Variants in CCDC141 observed in about 807,000 individuals in gnomAD.
CCDC141 encodes the protein coiled-coil domain-containing protein 141.
CCDC141 carries 168 observed loss-of-function variants against 181.0 expected under a neutral mutation model. The ratio of observed to expected loss-of-function variants is 0.93; its 90% CI spans 0.82 to 1.05. The LOEUF is 1.05. CCDC141 is among the 50% of genes least tolerant of loss of function. The probability of loss-of-function intolerance (pLI) is 0.00; values close to 1 mark genes in which losing one functional copy is unlikely to be tolerated. For missense variants in CCDC141, 1,902 were observed against 1,788.5 expected (o/e 1.06, Z -1.14); for synonymous variants, 666 against 642.3 (o/e 1.04, Z -0.56).
intron 23 of CCDC141, 134 bp from the exon 24 acceptor site, chr2:178,834,574 A>C: frequency 1.0e-6 from 1 of 979,882 alleles, no homozygotes; most frequent in East Asian, 2.6e-5. Flanking sequence ...TTGTAGCCAC[A>C]ACAAATTCCA....
chr2:178,818,089 C>T, the CCDC141 span, among the ~76,000 whole-genome samples: 1 of 152,150 alleles, frequency 6.6e-6, no homozygotes, highest in Non-Finnish European at 1.5e-5. Flanking sequence ...AGGCGTGAGC[C>T]ACCGCACCTG....
chr2:178,895,848 T>C (rs942464668), intron 8 of CCDC141, among the ~76,000 whole-genome samples: 4 of 152,216 alleles, frequency 2.6e-5, no homozygotes, highest in African/African-American at 9.6e-5. Flanking sequence ...ACAAATCTAC[T>C]AGGCAAAGGA....
At chr2:179,036,509 T>C (rs939749508) in intron 2 of CCDC141, among the ~76,000 whole-genome samples, 2 of 152,164 alleles carry the variant, frequency 1.3e-5, no homozygotes, top group Non-Finnish European at 2.9e-5. Context: ...ACTGCACTGC[T>C]CCCTTCTAGT....
chr2:178,878,930 G>C (rs1209754295), intron 11 of CCDC141, among the ~76,000 whole-genome samples: 1 of 152,022 alleles, frequency 6.6e-6, no homozygotes, highest in Non-Finnish European at 1.5e-5. Flanking sequence ...AAGATTATTA[G>C]TAAATCACAA....
intron 2 of CCDC141, among the ~76,000 whole-genome samples, chr2:178,986,107 G>C (rs11892464): frequency 0.079 from 12,026 of 152,116 alleles, 1,048 homozygotes; most frequent in African/African-American, 0.21. Context: ...CACATCAAAA[G>C]CTTATCCACC....
downstream of CCDC141, among the ~76,000 whole-genome samples, chr2:178,828,031 G>A (rs567265706): frequency 1.3e-5 from 2 of 152,012 alleles, no homozygotes; most frequent in Non-Finnish European, 2.9e-5. Context: ...CACGTGTCAT[G>A]TACTGCCTCC....
At chr2:178,852,993 G>A (rs1379992858) in intron 20 of CCDC141, among the ~76,000 whole-genome samples, 1 of 152,184 alleles carries the variant, frequency 6.6e-6, no homozygotes, top group Non-Finnish European at 1.5e-5. Context: ...AAATATGTGA[G>A]CCAAAAGCCT....
intron 2 of CCDC141, among the ~76,000 whole-genome samples, chr2:178,981,681 TATAGAGAG>T (rs1485642058): frequency 7.9e-6 from 1 of 127,242 alleles, no homozygotes; most frequent in African/African-American, 3.0e-5. Flanking sequence ...CATATATATA[TATAGAGAG>T]AGAGAGAGAG....
intron 6 of CCDC141, among the ~76,000 whole-genome samples, chr2:178,928,418 A>G (rs1347472347): frequency 1.3e-5 from 2 of 152,204 alleles, no homozygotes; most frequent in African/African-American, 4.8e-5. Context: ...AAGGTATAAG[A>G]AGTCCTCTCA....
intron 3 of CCDC141, among the ~76,000 whole-genome samples, chr2:178,975,531 A>C (rs1475330058): frequency 6.6e-6 from 1 of 152,192 alleles, no homozygotes; most frequent in African/African-American, 2.4e-5. Flanking sequence ...CTTAGTTAAG[A>C]ATAAGCAGAA....
Position 178,901,199 on chromosome 2 carries a change from C to A in CCDC141, c.1265+4130G>T, listed in dbSNP as rs572392827. ...GGTACAAGGAGGAGCTGGTACAATT[C>A]CTTCTGAAACTATTCCAATCAATAG... On this transcript the variant is annotated intron_variant, in intron 8 of 23. Transcript: ENST00000443758. Among the ~76,000 whole-genome samples the A allele has an allele frequency of 2.0e-5, 3 of 152,232 alleles. No homozygotes were observed. The South Asian group carries it at 6.2e-4, about 32-fold the overall frequency.
intron 8 of CCDC141, among the ~76,000 whole-genome samples, chr2:178,897,977 G>A (rs1687492320): frequency 6.6e-6 from 1 of 152,160 alleles, no homozygotes. Flanking sequence ...TGCTTAGGGA[G>A]AGATGAGGAA....
At chr2:179,015,089 T>TATATATA (rs2042405481) in intron 2 of CCDC141, among the ~76,000 whole-genome samples, 1 of 47,124 alleles carries the variant, frequency 2.1e-5, no homozygotes, top group African/African-American at 6.4e-5. Context: ...TATATATATA[T>TATATATA]ATATATATAT....
intron 17 of CCDC141, among the ~76,000 whole-genome samples, chr2:178,862,293 A>T (rs1262369547): frequency 6.6e-6 from 1 of 152,190 alleles, no homozygotes; most frequent in Admixed American, 6.5e-5. Context: ...TATGTGGAAA[A>T]CTTGAGAACA....
rs956485680 is a variant in CCDC141 at position 178,869,506 on chromosome 2, C to CA, written c.2206-202dup. Among the ~76,000 whole-genome samples the CA allele has an allele frequency of 1.6e-3, 239 of 149,410 alleles. 1 individual carries two copies. Among genetic ancestry groups the CA allele is most frequent in the African/African-American group, 4.9e-3 (199 of 40,708 alleles). Reference sequence around the variant, plus strand: ...TTTCTATACTCACCTGAGAAATTTACAAAAAAAAATAGCATGAGCAATGCA... The same window carrying CA: ...TTTCTATACTCACCTGAGAAATTTACAAAAAAAAAATAGCATGAGCAATGCA... On this transcript the variant is annotated intron_variant, in intron 14 of 23. Coordinates refer to ENST00000443758, the MANE Select transcript of CCDC141 (RefSeq NM_173648.4).
the CCDC141 span, among the ~76,000 whole-genome samples, chr2:178,815,339 C>G: frequency 1.3e-4 from 20 of 152,154 alleles, no homozygotes; most frequent in Admixed American, 1.3e-3. Context: ...TTCCTAATTG[C>G]TTATTACCAT....
At chr2:178,866,342 G>C (rs1172200558) in intron 16 of CCDC141, among the ~76,000 whole-genome samples, 1 of 152,236 alleles carries the variant, frequency 6.6e-6, no homozygotes, top group African/African-American at 2.4e-5. Context: ...GCCAAGGCCA[G>C]AAGAGGATTG....
chr2:178,973,389 CTA>C (rs1690985073), intron 4 of CCDC141, among the ~76,000 whole-genome samples: 1 of 152,124 alleles, frequency 6.6e-6, no homozygotes, highest in Non-Finnish European at 1.5e-5. Flanking sequence ...TAAAAATAAA[CTA>C]TGTTTCCTGT....
intron 2 of CCDC141, among the ~76,000 whole-genome samples, chr2:179,041,438 T>C (rs989786686): frequency 2.6e-5 from 4 of 151,784 alleles, no homozygotes; most frequent in African/African-American, 9.7e-5. Flanking sequence ...TGTCTTCTTT[T>C]GAGAAGTGTC....
Sources: gnomAD v4.1 joint callset for allele counts (sites outside exome capture counted in the v4.1 genomes callset) on GRCh38, gnomAD v4.1.1 for gene constraint, MANE v1.5 for transcripts, NCBI Gene and HGNC (gene_info 2026-07-23, HGNC 2026-07-21) for gene names.